Variants in RIGI observed in about 807,000 individuals in gnomAD.
The protein encoded by RIGI is antiviral innate immune response receptor RIG-I.
At chr9:32,485,101 C>T in the RIGI span, 1 of 1,131,036 alleles carries the variant, frequency 8.8e-7, no homozygotes, top group Non-Finnish European at 1.3e-6. Context: ...CTAAGGAGAA[C>T]ACAAAAAGAC....
At chr9:32,459,122 C>T in the RIGI span, among the ~76,000 whole-genome samples, 5 of 120,688 alleles carry the variant, frequency 4.1e-5, no homozygotes, top group Non-Finnish European at 8.2e-5. Flanking sequence ...CTCCTGACCT[C>T]GTGATCGCCC....
chr9:32,518,866 T>G, the RIGI span, among the ~76,000 whole-genome samples: 4 of 152,316 alleles, frequency 2.6e-5, no homozygotes, highest in African/African-American at 9.6e-5. Context: ...TGTGCCATCA[T>G]GCCTGGCCAA....
the RIGI span, among the ~76,000 whole-genome samples, chr9:32,508,024 TC>T: frequency 2.0e-5 from 3 of 152,066 alleles, no homozygotes; most frequent in African/African-American, 7.2e-5. Flanking sequence ...GTTTCTTTTC[TC>T]CTCTCAAGAA....
chr9:32,482,201 G>GTA, the RIGI span, among the ~76,000 whole-genome samples: 3 of 152,062 alleles, frequency 2.0e-5, no homozygotes, highest in Non-Finnish European at 2.9e-5. Flanking sequence ...GTGTGTGTGT[G>GTA]TGTGTGTGTG....
At chr9:32,470,067 T>C in the RIGI span, among the ~76,000 whole-genome samples, 1 of 152,232 alleles carries the variant, frequency 6.6e-6, no homozygotes, top group South Asian at 2.1e-4. Context: ...TAAAAATCAA[T>C]CTCTAAACAT....
chr9:32,471,934 C>G, the RIGI span, among the ~76,000 whole-genome samples: 1 of 151,942 alleles, frequency 6.6e-6, no homozygotes, highest in East Asian at 1.9e-4. Context: ...AGGGTGATAA[C>G]TAGGGACTGA....
chr9:32,472,900 C>A, the RIGI span: 1 of 805,150 alleles, frequency 1.2e-6, no homozygotes, highest in East Asian at 3.2e-5. Flanking sequence ...TATATACACA[C>A]ACACATATAC....
the RIGI span, among the ~76,000 whole-genome samples, chr9:32,509,026 C>A: frequency 6.6e-6 from 1 of 152,114 alleles, no homozygotes; most frequent in African/African-American, 2.4e-5. Context: ...TTGGCAAAGC[C>A]ACTATAGCTA....
chr9:32,471,753 A>G, the RIGI span, among the ~76,000 whole-genome samples: 1 of 152,202 alleles, frequency 6.6e-6, no homozygotes, highest in East Asian at 1.9e-4. Flanking sequence ...TTGTGGAGGA[A>G]CAACAAAGTT....
At chr9:32,490,919 G>A in the RIGI span, among the ~76,000 whole-genome samples, 1 of 152,156 alleles carries the variant, frequency 6.6e-6, no homozygotes, top group African/African-American at 2.4e-5. Context: ...GCAGCCCAGG[G>A]ATCCTAAAAG....
the RIGI span, among the ~76,000 whole-genome samples, chr9:32,514,010 C>G: frequency 6.6e-6 from 1 of 152,172 alleles, no homozygotes; most frequent in Non-Finnish European, 1.5e-5. Context: ...AAATGCAAAT[C>G]AAAACCACAA....
the RIGI span, chr9:32,485,300 AGAAAAAG>A: frequency 6.7e-7 from 1 of 1,485,010 alleles, no homozygotes; most frequent in African/African-American, 1.4e-5. Context: ...CAAAAAAAAA[AGAAAAAG>A]AAAAAAAGAG....
chr9:32,479,171 C>T, the RIGI span, among the ~76,000 whole-genome samples: 1 of 152,136 alleles, frequency 6.6e-6, no homozygotes, highest in Non-Finnish European at 1.5e-5. Context: ...TCTGCAAAAA[C>T]CACCAAAAGC....
the RIGI span, chr9:32,489,432 C>G: frequency 6.2e-7 from 1 of 1,612,620 alleles, no homozygotes; most frequent in African/African-American, 1.3e-5. Flanking sequence ...ATGGGCTGTA[C>G]AAGTTTGTAT....
the RIGI span, among the ~76,000 whole-genome samples, chr9:32,499,644 CA>C: frequency 6.6e-6 from 1 of 151,998 alleles, no homozygotes; most frequent in African/African-American, 2.4e-5. Context: ...TTAGTAAAGA[CA>C]GGGTTTTGCC....
At chr9:32,474,425 G>A in the RIGI span, among the ~76,000 whole-genome samples, 1 of 152,130 alleles carries the variant, frequency 6.6e-6, no homozygotes, top group African/African-American at 2.4e-5. Flanking sequence ...TCCCCTGAGT[G>A]TGAAGGGGAC....
chr9:32,506,682 C>A, the RIGI span, among the ~76,000 whole-genome samples: 2 of 152,086 alleles, frequency 1.3e-5, no homozygotes, highest in African/African-American at 2.4e-5. Context: ...GATAAAAATG[C>A]GTGGCCTCCG....
the RIGI span, among the ~76,000 whole-genome samples, chr9:32,505,036 A>G: frequency 7.0e-6 from 1 of 142,900 alleles, no homozygotes; most frequent in South Asian, 2.1e-4. Context: ...TATATACAAT[A>G]GATATATAAT....
At chr9:32,487,643 G>C in the RIGI span, 1 of 1,610,378 alleles carries the variant, frequency 6.2e-7, no homozygotes, top group Admixed American at 1.7e-5. Context: ...CCTGTAAGGA[G>C]CATTCAAAAT....
Sources: allele counts gnomAD v4.1 joint callset (sites outside exome capture counted in the v4.1 genomes callset), GRCh38; gene constraint gnomAD v4.1.1; transcripts MANE v1.5; gene names NCBI Gene and HGNC (gene_info 2026-07-23, HGNC 2026-07-21).